Variants in CLVS1 observed in about 807,000 individuals in gnomAD.
The protein encoded by CLVS1 is clavesin 1, also known as clavesin-1.
CLVS1 carries 10 observed loss-of-function variants against 33.1 expected under a neutral mutation model. The observed-to-expected ratio is 0.30, with a 90% CI of 0.19 to 0.51. The LOEUF is 0.51. CLVS1 is among the 20% of genes least tolerant of loss of function. The pLI is 0.97. For missense variants in CLVS1, 343 were observed against 433.4 expected (o/e 0.79, Z 1.85); for synonymous variants, 163 against 166.1 (o/e 0.98, Z 0.14).
At chr8:61,411,223 A>T (rs978066309) in intron 3 of CLVS1, among the ~76,000 whole-genome samples, 1 of 152,248 alleles carries the variant, frequency 6.6e-6, no homozygotes, top group Non-Finnish European at 1.5e-5. Flanking sequence ...AAAAGAAAAA[A>T]TAAAAAAGTC....
the CLVS1 span, among the ~76,000 whole-genome samples, chr8:60,982,250 A>G: frequency 4.6e-5 from 7 of 152,244 alleles, no homozygotes; most frequent in Admixed American, 1.3e-4. Context: ...TGTTGAAACC[A>G]AGAGGCTTTC....
intron 2 of CLVS1, among the ~76,000 whole-genome samples, chr8:61,211,265 C>T (rs747630566): frequency 3.3e-5 from 5 of 151,872 alleles, no homozygotes; most frequent in African/African-American, 4.8e-5. Context: ...CTAGAGATTC[C>T]GAGAATCCAA....
At chr8:61,413,979 C>A (rs550561802) in intron 3 of CLVS1, among the ~76,000 whole-genome samples, 1 of 152,188 alleles carries the variant, frequency 6.6e-6, no homozygotes, top group East Asian at 1.9e-4. Flanking sequence ...CAGGGAACTG[C>A]ATTTCTAGTT....
intron 1 of CLVS1, among the ~76,000 whole-genome samples, chr8:61,296,701 A>C (rs982901216): frequency 1.3e-5 from 2 of 152,198 alleles, no homozygotes; most frequent in African/African-American, 4.8e-5. Flanking sequence ...ACACTTATTC[A>C]CTCATTCAAA....
At chr8:61,195,840 T>C (rs1585680159) in intron 2 of CLVS1, among the ~76,000 whole-genome samples, 1 of 152,076 alleles carries the variant, frequency 6.6e-6, no homozygotes. Flanking sequence ...ATGGCCACAG[T>C]AATAAAAAGT....
At chr8:61,015,569 T>C in the CLVS1 span, among the ~76,000 whole-genome samples, 2 of 152,212 alleles carry the variant, frequency 1.3e-5, no homozygotes, top group African/African-American at 4.8e-5. Flanking sequence ...CTTTCTTCTG[T>C]GACAGCAGCA....
the CLVS1 span, among the ~76,000 whole-genome samples, chr8:61,049,847 A>C: frequency 6.6e-6 from 1 of 152,260 alleles, no homozygotes; most frequent in Admixed American, 6.5e-5. Context: ...CTTAGTGTGC[A>C]TAGAAGCGGC....
At chr8:61,233,201 G>A (rs1258846848) in intron 2 of CLVS1, among the ~76,000 whole-genome samples, 1 of 152,164 alleles carries the variant, frequency 6.6e-6, no homozygotes, top group Non-Finnish European at 1.5e-5. Context: ...GGAAATAAAT[G>A]TTTATCTACC....
At chr8:61,356,457 G>A (rs1025428102) in intron 2 of CLVS1, among the ~76,000 whole-genome samples, 1 of 151,394 alleles carries the variant, frequency 6.6e-6, no homozygotes, top group African/African-American at 2.4e-5. Context: ...TGTTGCCATT[G>A]CTTTTGGTGT....
intron 2 of CLVS1, among the ~76,000 whole-genome samples, chr8:61,255,758 C>T (rs996368409): frequency 1.3e-5 from 2 of 152,014 alleles, no homozygotes; most frequent in Non-Finnish European, 2.9e-5. Flanking sequence ...AAAGATTTGC[C>T]ATAATTTAAA....
chr8:61,132,812 AG>A (rs1806125295), intron 2 of CLVS1, among the ~76,000 whole-genome samples: 2 of 152,274 alleles, frequency 1.3e-5, no homozygotes, highest in African/African-American at 4.8e-5. Context: ...CCGTAAGTAA[AG>A]CAACACTACA....
intron 1 of CLVS1, among the ~76,000 whole-genome samples, chr8:61,067,848 G>A (rs1432783261): frequency 6.6e-6 from 1 of 151,988 alleles, no homozygotes; most frequent in Non-Finnish European, 1.5e-5. Flanking sequence ...TGGGGGTCAA[G>A]GGCTGTAAAA....
At chr8:61,343,700 T>C (rs1812105457) in intron 2 of CLVS1, among the ~76,000 whole-genome samples, 1 of 152,172 alleles carries the variant, frequency 6.6e-6, no homozygotes, top group Admixed American at 6.5e-5. Context: ...AAATTAATGC[T>C]GAATATCGAA....
At chr8:61,071,562 A>T (rs1384645637) in intron 1 of CLVS1, among the ~76,000 whole-genome samples, 1 of 152,196 alleles carries the variant, frequency 6.6e-6, no homozygotes, top group Non-Finnish European at 1.5e-5. Flanking sequence ...CAAGTTCCTG[A>T]ATTTAATCAC....
At chr8:61,350,765 G>A (rs768311876) in intron 2 of CLVS1, among the ~76,000 whole-genome samples, 2 of 152,108 alleles carry the variant, frequency 1.3e-5, no homozygotes, top group African/African-American at 2.4e-5. Flanking sequence ...AGTTAACTAT[G>A]TGATTCCCAG....
rs2129302567 is a variant in CLVS1, at chr8:61,190,649, A to G, written c.-152+58789A>G. Among the ~76,000 whole-genome samples, 2 of 152,350 alleles carry G rather than the reference A, an allele frequency of 1.3e-5. 1 individual carries two copies. The highest frequency in any genetic ancestry group is 4.1e-4 in the South Asian group (2 of 4,822). The stretch of plus-strand genomic sequence containing the variant: ...TAGCAAGACTATTAAAGAAGAAAAG[A>G]GAGAAGAATCAAATACACACAATAA... On this transcript the variant is annotated intron_variant, in intron 2 of 2. Coordinates refer to the CLVS1 transcript ENST00000522621.
the CLVS1 span, among the ~76,000 whole-genome samples, chr8:60,999,215 G>A: frequency 1.1e-4 from 17 of 152,198 alleles, no homozygotes; most frequent in African/African-American, 1.4e-4. Flanking sequence ...TCAGCTTAGC[G>A]TGCAGTGCTA....
At chr8:61,236,571 T>G (rs1554548834) in intron 2 of CLVS1, among the ~76,000 whole-genome samples, 2 of 152,112 alleles carry the variant, frequency 1.3e-5, no homozygotes, top group Non-Finnish European at 2.9e-5. Flanking sequence ...ATTTTACAAA[T>G]GCAGCAGCAG....
intron 5 of CLVS1, among the ~76,000 whole-genome samples, chr8:61,459,396 G>T (rs1044827170): frequency 2.0e-5 from 3 of 151,996 alleles, no homozygotes; most frequent in African/African-American, 7.3e-5. Context: ...GTGGTATTCA[G>T]TTACATGGGT....
Sources: gnomAD v4.1 joint callset for allele counts (sites outside exome capture counted in the v4.1 genomes callset) on GRCh38, gnomAD v4.1.1 for gene constraint, MANE v1.5 for transcripts, NCBI Gene and HGNC (gene_info 2026-07-23, HGNC 2026-07-21) for gene names.